FRMD3: variants seen among roughly 807,000 people sequenced by gnomAD.
The protein encoded by FRMD3 is FERM domain containing 3.
A neutral mutation model predicts 70.2 loss-of-function variants in FRMD3; 33 were observed. The observed-to-expected ratio is 0.47, with a 90% CI of 0.36 to 0.63. The LOEUF is 0.63. FRMD3 is among the 20% of genes least tolerant of loss of function. FRMD3 has a pLI of 0.00. For missense variants in FRMD3, 632 were observed against 711.4 expected, an observed-to-expected ratio of 0.89 and a Z score of 1.27; for synonymous variants, 279 against 255.9, an observed-to-expected ratio of 1.09 and a Z score of -0.86.
intron 13 of FRMD3, among the ~76,000 whole-genome samples, chr9:83,271,034 C>A (rs761366969): frequency 1.6e-4 from 25 of 152,202 alleles, no homozygotes; most frequent in Non-Finnish European, 2.1e-4. Context: ...GGGAAACCTA[C>A]AGAAGCCTGC....
chr9:83,304,746 A>G (rs12380047), intron 10 of FRMD3, among the ~76,000 whole-genome samples: 20,046 of 152,274 alleles, frequency 0.13, 1,653 homozygotes, highest in Non-Finnish European at 0.18. Context: ...TGAATCCCTC[A>G]ATGCGTCCAG....
At chr9:83,466,165 G>A (rs530660246) in intron 1 of FRMD3, among the ~76,000 whole-genome samples, 3 of 152,340 alleles carry the variant, frequency 2.0e-5, no homozygotes, top group East Asian at 1.9e-4. Context: ...CTGGAATTCA[G>A]TCTGGCCCCT....
intron 1 of FRMD3, among the ~76,000 whole-genome samples, chr9:83,500,167 AC>A (rs1218129782): frequency 6.6e-6 from 1 of 152,196 alleles, no homozygotes; most frequent in Non-Finnish European, 1.5e-5. Context: ...AATGGTGGAT[AC>A]AGGACATATT....
intron 8 of FRMD3, 143 bp downstream of exon 8, chr9:83,311,744 G>A: frequency 2.9e-6 from 2 of 686,364 alleles, no homozygotes. Context: ...CAACCTAGAT[G>A]TTACATCCCT....
chr9:83,429,777 G>A (rs562391096), intron 1 of FRMD3, among the ~76,000 whole-genome samples: 2 of 151,784 alleles, frequency 1.3e-5, no homozygotes, highest in Non-Finnish European at 2.9e-5. Flanking sequence ...CTTTATCCTG[G>A]TCCTGGGTCT....
Position 83,522,563 on chromosome 9 carries a change from AT to A in FRMD3, c.147+15521del, listed in dbSNP as rs1401314098. On this transcript the variant is annotated intron_variant, in intron 1 of 13. Coordinates refer to ENST00000304195, the MANE Select transcript of FRMD3 (RefSeq NM_174938.6). ...AACCACAAATTTTATATATATATAT[AT>A]AATTTTTTTTTTTTTTTGAGATGGA... Among the ~76,000 whole-genome samples, 8 of 118,012 alleles carry A rather than the reference AT, an allele frequency of 6.8e-5. No homozygotes were observed. The South Asian group carries it at 1.3e-3, about 20-fold the overall frequency. 77.4% of individuals were successfully genotyped at this position (118,012 alleles called of 152,430 possible).
chr9:83,458,337 A>G (rs530380630), intron 1 of FRMD3, among the ~76,000 whole-genome samples: 2 of 152,250 alleles, frequency 1.3e-5, no homozygotes, highest in Non-Finnish European at 2.9e-5. Context: ...ACAAGCATTA[A>G]GTAAAGGTAC....
the FRMD3 span, among the ~76,000 whole-genome samples, chr9:83,585,527 G>A: frequency 1.3e-5 from 2 of 152,270 alleles, no homozygotes; most frequent in East Asian, 1.9e-4. Flanking sequence ...CCAATGGAGT[G>A]TAAGCAGCAT....
chr9:83,565,343 A>G, the FRMD3 span, among the ~76,000 whole-genome samples: 1 of 152,192 alleles, frequency 6.6e-6, no homozygotes, highest in African/African-American at 2.4e-5. Flanking sequence ...ATTGATGTGG[A>G]TGCCACTTTG....
chr9:83,391,281 C>G (rs1825658657), intron 1 of FRMD3, among the ~76,000 whole-genome samples: 1 of 152,150 alleles, frequency 6.6e-6, no homozygotes, highest in South Asian at 2.1e-4. Context: ...ATCCAGGAGT[C>G]TCAAATGACA....
intron 4 of FRMD3, among the ~76,000 whole-genome samples, chr9:83,344,163 C>T (rs2131166926): frequency 6.6e-6 from 1 of 152,376 alleles, no homozygotes; most frequent in Admixed American, 6.5e-5. Context: ...TCCTCATCTT[C>T]TCAAGGTTCT....
chr9:83,324,467 ATATTG>A (rs1835932336), intron 6 of FRMD3, among the ~76,000 whole-genome samples: 2 of 152,194 alleles, frequency 1.3e-5, no homozygotes, highest in Non-Finnish European at 2.9e-5. Flanking sequence ...AATCCCACAC[ATATTG>A]TATATACTCT....
chr9:83,262,454 T>C (rs1271139342), intron 13 of FRMD3, among the ~76,000 whole-genome samples: 42 of 152,256 alleles, frequency 2.8e-4, no homozygotes, highest in Admixed American at 2.6e-3. Context: ...AACTGGATGA[T>C]AGCAATGGCT....
rs1020628990 is a variant in FRMD3, at chr9:83,538,285, C to T, written c.-54G>A. On this transcript the variant is annotated 5_prime_UTR_variant, in exon 1 of 14. Coordinates refer to ENST00000304195, the MANE Select transcript of FRMD3 (RefSeq NM_174938.6). The surrounding 1 kb of genome is among the most constrained non-coding windows in gnomAD (Gnocchi z 4.7). Reference sequence around the variant, plus strand: ...GGCTCAGGGCCGGCGCGGTGCTCGCCTGCGCGGACACACACGCTCGCACGC... The same window carrying T: ...GGCTCAGGGCCGGCGCGGTGCTCGCTTGCGCGGACACACACGCTCGCACGC... 6.6e-7 allele frequency: 1 copy of T among 1,518,496 alleles called. No individual in the cohort carries two copies. The highest frequency in any genetic ancestry group is 8.8e-7 in the Non-Finnish European group (1 of 1,131,242). The allele number at this position is 1,518,496 out of a possible 1,614,324, so 94.1% of individuals were successfully genotyped here. A position where few individuals can be genotyped will look rare whatever the true frequency, so the allele number is the denominator to read the frequency against.
intron 10 of FRMD3, among the ~76,000 whole-genome samples, chr9:83,306,462 A>G (rs1197592128): frequency 6.6e-6 from 1 of 152,070 alleles, no homozygotes; most frequent in Non-Finnish European, 1.5e-5. Context: ...GTCCCACAAA[A>G]TGCATCCTCC....
At chr9:83,288,694 T>C (rs1834308610) in intron 13 of FRMD3, among the ~76,000 whole-genome samples, 2 of 152,254 alleles carry the variant, frequency 1.3e-5, no homozygotes, top group South Asian at 2.1e-4. Context: ...TATCCTGTCA[T>C]GAAATTCTTT....
the FRMD3 span, among the ~76,000 whole-genome samples, chr9:83,561,963 G>A: frequency 1.3e-5 from 2 of 152,198 alleles, no homozygotes; most frequent in African/African-American, 4.8e-5. Flanking sequence ...GAAGCTCCAT[G>A]AGGCAGGGAA....
At chr9:83,288,109 T>A (rs1002390483) in intron 13 of FRMD3, among the ~76,000 whole-genome samples, 1 of 152,204 alleles carries the variant, frequency 6.6e-6, no homozygotes, top group African/African-American at 2.4e-5. Context: ...GTGCATGCAC[T>A]CAAAAGCCCA....
intron 13 of FRMD3, among the ~76,000 whole-genome samples, chr9:83,286,846 G>T (rs1469708353): frequency 6.6e-6 from 1 of 152,122 alleles, no homozygotes; most frequent in Non-Finnish European, 1.5e-5. Context: ...TCTCTCAATG[G>T]CTCCAACAAC....
Sources: gnomAD v4.1 joint callset for allele counts (sites outside exome capture counted in the v4.1 genomes callset) on GRCh38, gnomAD v4.1.1 for gene constraint, Gnocchi (gnomAD v3.1) non-coding constraint, MANE v1.5 for transcripts, NCBI Gene and HGNC (gene_info 2026-07-23, HGNC 2026-07-21) for gene names.